ANKRD44: variants seen among roughly 807,000 people sequenced by gnomAD.
ANKRD44 encodes the protein serine/threonine-protein phosphatase 6 regulatory ankyrin repeat subunit B.
In ANKRD44, 35 loss-of-function variants were observed where a neutral mutation model predicts 116.0. The ratio of observed to expected loss-of-function variants is 0.30; its 90% confidence interval spans 0.23 to 0.40. ANKRD44 has a LOEUF of 0.40. Ranked by LOEUF, ANKRD44 falls within the 10% of genes least tolerant of loss-of-function variation. ANKRD44 has a pLI of 1.00. For missense variants in ANKRD44, 1,014 were observed against 1,242.6 expected (o/e 0.82, Z 2.77); for synonymous variants, 435 against 461.8 (o/e 0.94, Z 0.74).
At chr2:197,094,331 ACT>A (rs1378614978) in intron 10 of ANKRD44, among the ~76,000 whole-genome samples, 1 of 152,090 alleles carries the variant, frequency 6.6e-6, no homozygotes, top group Admixed American at 6.6e-5. Flanking sequence ...AATTACAGTG[ACT>A]CTATCATGGA....
chr2:197,287,166 G>A (rs976186547), intron 1 of ANKRD44, among the ~76,000 whole-genome samples: 4 of 152,186 alleles, frequency 2.6e-5, no homozygotes, highest in African/African-American at 9.7e-5. Context: ...GTGACAGTGG[G>A]AGAGGCTGGT....
At chr2:196,998,305 G>A in intron 25 of ANKRD44, 32 bp downstream of exon 25, 1 of 1,421,856 alleles carries the variant, frequency 7.0e-7, no homozygotes, top group South Asian at 1.2e-5. Context: ...ATTATAACGT[G>A]AAGTAATAAT....
chr2:197,103,160 A>G (rs1294475599), intron 9 of ANKRD44, among the ~76,000 whole-genome samples: 7 of 151,022 alleles, frequency 4.6e-5, no homozygotes, highest in Non-Finnish European at 7.4e-5. Context: ...CCCGGGAGGC[A>G]GAGCTTGCAG....
At position 197,267,681 on chromosome 2, in the gene ANKRD44, A is replaced by G. The variant is rs374447708; in HGVS notation, c.27+42897T>C. On this transcript the variant is annotated intron_variant, in intron 1 of 27. Coordinates refer to ENST00000282272, the MANE Select transcript of ANKRD44 (RefSeq NM_001195144.2). ...CCATGAGACAGGGTATCTGAAAACA[A>G]TGGCTCCAGATAATGCTGGTTATCT... Among the ~76,000 whole-genome samples the G allele has an allele frequency of 2.4e-4, 36 of 152,358 alleles. No individual in the cohort carries two copies. In the South Asian group the frequency reaches 7.5e-3, roughly 32 times the overall value.
intron 16 of ANKRD44, among the ~76,000 whole-genome samples, chr2:197,063,743 A>G (rs1451160599): frequency 1.3e-5 from 2 of 152,234 alleles, no homozygotes; most frequent in Non-Finnish European, 1.5e-5. Flanking sequence ...CAAGAAGAGA[A>G]GTTTAGAGAA....
At chr2:196,985,272 AG>A (rs1256770591), downstream of ANKRD44, among the ~76,000 whole-genome samples, 1 of 152,244 alleles carries the variant, frequency 6.6e-6, no homozygotes, top group African/African-American at 2.4e-5. Flanking sequence ...CTGGAACAGA[AG>A]ACCCAGCTAA....
At chr2:197,143,310 A>G (rs1339713122) in intron 3 of ANKRD44, among the ~76,000 whole-genome samples, 1 of 148,842 alleles carries the variant, frequency 6.7e-6, no homozygotes, top group Non-Finnish European at 1.5e-5. Flanking sequence ...TTAACTCGTC[A>G]TTTAGCATTA....
rs188662731 is a variant in ANKRD44 at position 197,270,497 on chromosome 2, G to C, written c.27+40081C>G. On this transcript the variant is annotated intron_variant, in intron 1 of 27. Coordinates refer to ENST00000282272, the MANE Select transcript of ANKRD44 (RefSeq NM_001195144.2). Reference sequence around the variant, plus strand: ...TAGGAGTAAGAGCAGCTTTGGACGGGGATGGAAAGGTAAGGTGGAAAATGA... The same window carrying C: ...TAGGAGTAAGAGCAGCTTTGGACGGCGATGGAAAGGTAAGGTGGAAAATGA... Among the ~76,000 whole-genome samples the C allele has an allele frequency of 3.1e-3, 467 of 152,272 alleles. 4 individuals carry two copies. The highest frequency in any genetic ancestry group is 0.011 in the African/African-American group (445 of 41,568).
intron 21 of ANKRD44, 115 bp downstream of exon 21, chr2:197,005,579 A>C (rs2076187182): frequency 4.2e-6 from 4 of 943,828 alleles, no homozygotes; most frequent in Non-Finnish European, 6.4e-6. Flanking sequence ...TCTTGGATGC[A>C]GAAAGATTAG....
intron 16 of ANKRD44, among the ~76,000 whole-genome samples, chr2:197,039,259 G>C (rs2076863342): frequency 6.6e-6 from 1 of 152,292 alleles, no homozygotes; most frequent in East Asian, 1.9e-4. Flanking sequence ...AAAGGTGCCA[G>C]AGAAAATCTC....
intron 2 of ANKRD44, among the ~76,000 whole-genome samples, chr2:197,162,950 G>A (rs763148048): frequency 2.0e-5 from 3 of 152,304 alleles, no homozygotes; most frequent in African/African-American, 4.8e-5. Context: ...CCTATATGAG[G>A]GCGGCCTGCA....
intron 27 of ANKRD44, among the ~76,000 whole-genome samples, chr2:196,992,014 G>C (rs1011661461): frequency 1.3e-5 from 2 of 152,170 alleles, no homozygotes; most frequent in Non-Finnish European, 2.9e-5. Context: ...AGACTCAATG[G>C]ATCCAATCCA....
chr2:197,188,968 A>G (rs772411801), intron 1 of ANKRD44, among the ~76,000 whole-genome samples: 2 of 152,230 alleles, frequency 1.3e-5, no homozygotes, highest in Non-Finnish European at 2.9e-5. Flanking sequence ...ACTGGTGGCA[A>G]GCACTGGCCT....
chr2:196,980,583 G>A (rs1024897885), intron 21 of ANKRD44, among the ~76,000 whole-genome samples: 1 of 152,152 alleles, frequency 6.6e-6, no homozygotes, highest in African/African-American at 2.4e-5. Context: ...CAGAAGGCCC[G>A]CTGGGAAGTA....
chr2:197,149,433 C>G (rs1036810357), intron 2 of ANKRD44, among the ~76,000 whole-genome samples: 3 of 152,142 alleles, frequency 2.0e-5, no homozygotes, highest in African/African-American at 7.2e-5. Context: ...GTTTCTATAA[C>G]ATAAAAAGGG....
intron 16 of ANKRD44, among the ~76,000 whole-genome samples, chr2:197,027,244 C>T (rs1365164961): frequency 2.6e-5 from 4 of 152,052 alleles, no homozygotes. Flanking sequence ...CACCTGTAGT[C>T]CCAGATACTT....
chr2:197,283,156 G>A (rs2083313790), intron 1 of ANKRD44, among the ~76,000 whole-genome samples: 1 of 152,200 alleles, frequency 6.6e-6, no homozygotes, highest in African/African-American at 2.4e-5. Flanking sequence ...TCTCTCACCA[G>A]GATGTGGAGG....
At chr2:197,130,666 C>T (rs903488223) in intron 4 of ANKRD44, among the ~76,000 whole-genome samples, 3 of 152,176 alleles carry the variant, frequency 2.0e-5, no homozygotes, top group Non-Finnish European at 4.4e-5. Flanking sequence ...GACCTATATT[C>T]TACACATGAA....
At chr2:196,982,089 T>C (rs991654080), downstream of ANKRD44, among the ~76,000 whole-genome samples, 1 of 102,706 alleles carries the variant, frequency 9.7e-6, no homozygotes, top group Non-Finnish European at 2.1e-5. Flanking sequence ...CTCTTCTCAT[T>C]TGTCAATACT....
Sources: gnomAD v4.1 joint callset for allele counts (sites outside exome capture counted in the v4.1 genomes callset) on GRCh38, gnomAD v4.1.1 for gene constraint, MANE v1.5 for transcripts, NCBI Gene and HGNC (gene_info 2026-07-23, HGNC 2026-07-21) for gene names.